COL23A1: variants seen among roughly 807,000 people sequenced by gnomAD.
COL23A1 encodes the protein collagen alpha-1(XXIII) chain.
COL23A1 carries 97 observed loss-of-function variants against 99.3 expected under a neutral mutation model. The ratio of observed to expected loss-of-function variants is 0.98; its 90% CI spans 0.83 to 1.16. The LOEUF is 1.16. Ranked by LOEUF, COL23A1 falls within the 50% of genes most tolerant of loss-of-function variation. COL23A1 has a pLI of 0.00. For synonymous variants in COL23A1, 320 were observed against 308.2 expected, an observed-to-expected ratio of 1.04 and a Z score of -0.40; for missense variants, 762 against 757.4, an observed-to-expected ratio of 1.01 and a Z score of -0.07.
rs1414448683 is a variant in COL23A1 at position 178,309,780 on chromosome 5, G to GCACTCAGTCCCCCACT, written c.362-2877_362-2862dup. ...TCAGCATCAGGCGAACGCTGCCCCT[G>GCACTCAGTCCCCCACT]CACTCAGTCCCCCACTCTGCCACTC... On this transcript the variant is annotated intron_variant, in intron 2 of 28. Coordinates refer to ENST00000390654, the MANE Select transcript of COL23A1 (RefSeq NM_173465.4). The surrounding 1 kb of genome is among the most constrained non-coding windows in gnomAD (Gnocchi z 4.7). Among the ~76,000 whole-genome samples, 1 of 151,496 alleles carries GCACTCAGTCCCCCACT rather than the reference G, an allele frequency of 6.6e-6. No homozygotes were observed. The highest frequency in any genetic ancestry group is 1.5e-5 in the Non-Finnish European group (1 of 67,928).
chr5:178,267,145 C>T (rs988208832), intron 8 of COL23A1, among the ~76,000 whole-genome samples, 162 bp downstream of exon 8: 15 of 152,164 alleles, frequency 9.9e-5, no homozygotes, highest in Non-Finnish European at 1.5e-4. Context: ...CAACCCAGGT[C>T]CCTGGGGGCT....
At chr5:178,364,605 C>T (rs1762361825) in intron 2 of COL23A1, among the ~76,000 whole-genome samples, 1 of 152,192 alleles carries the variant, frequency 6.6e-6, no homozygotes, top group South Asian at 2.1e-4. Context: ...TCAGCAGACA[C>T]CGAATTATAG....
At chr5:178,504,904 CA>C (rs1758779649) in intron 2 of COL23A1, among the ~76,000 whole-genome samples, 2 of 152,158 alleles carry the variant, frequency 1.3e-5, no homozygotes, top group South Asian at 4.1e-4. Flanking sequence ...AGTGTTGGCT[CA>C]AAGCACCTTA....
chr5:178,517,873 C>A lies in COL23A1; in HGVS notation c.361+42809G>T, dbSNP rs1312534430. 3.1e-5 allele frequency among the ~76,000 whole-genome samples: 3 copies of A among 97,708 alleles called. No individual in the cohort carries two copies. In the East Asian group the frequency reaches 9.3e-4, roughly 30 times the overall value. 64.1% of individuals were successfully genotyped at this position (97,708 alleles called of 152,430 possible). On this transcript the variant is annotated intron_variant, in intron 2 of 28. Coordinates refer to ENST00000390654, the MANE Select transcript of COL23A1 (RefSeq NM_173465.4). ...CCGTGCCTGGCCAGCAACAGCGGTT[C>A]TTTTTTTTTTTTTTTTTTTTTTTTT...
At chr5:178,490,235 C>CA (rs1581491614) in intron 2 of COL23A1, among the ~76,000 whole-genome samples, 1 of 150,840 alleles carries the variant, frequency 6.6e-6, no homozygotes, top group African/African-American at 2.4e-5. Flanking sequence ...TCAAAAAAAA[C>CA]AAAAAACAAA....
chr5:178,527,317 G>T (rs1379310160), intron 2 of COL23A1, among the ~76,000 whole-genome samples: 1 of 152,200 alleles, frequency 6.6e-6, no homozygotes, highest in Non-Finnish European at 1.5e-5. Flanking sequence ...AGGAGCCGGG[G>T]TCTAGATGTT....
In COL23A1 at chr5:178,493,651, CA is replaced by C. The variant is rs552140974; in HGVS notation, c.361+67030del. On this transcript the variant is annotated intron_variant, in intron 2 of 28. Coordinates refer to ENST00000390654, the MANE Select transcript of COL23A1 (RefSeq NM_173465.4). Reference sequence around the variant, plus strand: ...CTCCAAGGTTCCAGAGAGGAAAGTTCAAGGAAAGAGTTTTCTCTGTTGGCCC... The same window carrying C: ...CTCCAAGGTTCCAGAGAGGAAAGTTCAGGAAAGAGTTTTCTCTGTTGGCCC... Among the ~76,000 whole-genome samples, 219 of 152,360 alleles carry C rather than the reference CA, an allele frequency of 1.4e-3. 1 individual carries two copies. The highest frequency in any genetic ancestry group is 5.0e-3 in the African/African-American group (207 of 41,582).
At chr5:178,383,138 C>T (rs1364049727) in intron 2 of COL23A1, among the ~76,000 whole-genome samples, 2 of 152,106 alleles carry the variant, frequency 1.3e-5, no homozygotes, top group African/African-American at 2.4e-5. Flanking sequence ...AGGCTGCTGC[C>T]TCCCCCTCCC....
intron 10 of COL23A1, 80 bp from the exon 11 acceptor site, chr5:178,261,828 G>GTT: frequency 8.1e-7 from 1 of 1,230,152 alleles, no homozygotes. Context: ...TCCTGGCTTT[G>GTT]TAAAAGGTGA....
intron 2 of COL23A1, among the ~76,000 whole-genome samples, chr5:178,380,981 T>C (rs896953742): frequency 1.3e-5 from 2 of 152,216 alleles, no homozygotes; most frequent in Admixed American, 6.5e-5. Context: ...GCTAGGCCCA[T>C]TCCGATCCGT....
chr5:178,450,368 C>T (rs1221770654), intron 2 of COL23A1, among the ~76,000 whole-genome samples: 1 of 152,178 alleles, frequency 6.6e-6, no homozygotes, highest in Non-Finnish European at 1.5e-5. Flanking sequence ...TTCTCGGGCT[C>T]ACTCTTGAGA....
At chr5:178,475,975 G>A (rs956077150) in intron 2 of COL23A1, among the ~76,000 whole-genome samples, 1 of 152,170 alleles carries the variant, frequency 6.6e-6, no homozygotes, top group African/African-American at 2.4e-5. Context: ...ATTAGGTCAG[G>A]CCCACTCAGA....
intron 2 of COL23A1, among the ~76,000 whole-genome samples, chr5:178,423,493 A>G (rs1378601851): frequency 6.6e-6 from 1 of 152,164 alleles, no homozygotes; most frequent in African/African-American, 2.4e-5. Flanking sequence ...GAATTTGCCC[A>G]GCGTAGGCTC....
At chr5:178,433,141 A>T (rs554151031) in intron 2 of COL23A1, among the ~76,000 whole-genome samples, 1 of 151,284 alleles carries the variant, frequency 6.6e-6, no homozygotes, top group South Asian at 2.1e-4. Context: ...GTTGGTATGG[A>T]CTCCGCAGGT....
In COL23A1 at chr5:178,255,120, G is replaced by A; in HGVS notation, c.883-94C>T. On this transcript the variant is annotated intron_variant, in intron 15 of 28. Transcript: ENST00000390654. This position sits in a 1 kb window ranked among gnomAD's most constrained non-coding sequence, Gnocchi z 4.2. ...TCCCTGCATCACATCCAGAGAGAAA[G>A]CAATGGAAGAGCCTCGTCACCCAGG... 9.4e-7 allele frequency: 1 copy of A among 1,067,968 alleles called. No homozygotes were observed. Among genetic ancestry groups the A allele is most frequent in the Non-Finnish European group, 1.4e-6 (1 of 694,458 alleles). 66.2% of individuals were successfully genotyped at this position (1,067,968 alleles called of 1,614,324 possible).
chr5:178,487,038 A>C (rs936577406), intron 2 of COL23A1, among the ~76,000 whole-genome samples: 60 of 152,014 alleles, frequency 3.9e-4, no homozygotes, highest in African/African-American at 1.3e-3. Context: ...ACCTACACAG[A>C]TCATGCTCCT....
intron 2 of COL23A1, among the ~76,000 whole-genome samples, chr5:178,350,190 CA>C (rs1337113333): frequency 6.6e-6 from 1 of 152,242 alleles, no homozygotes; most frequent in Non-Finnish European, 1.5e-5. Flanking sequence ...GCACCCATGC[CA>C]CCTCCTCCAG....
intron 1 of COL23A1, among the ~76,000 whole-genome samples, chr5:178,565,306 C>T (rs935308176): frequency 2.0e-5 from 3 of 152,180 alleles, no homozygotes; most frequent in Non-Finnish European, 2.9e-5. Context: ...AGGGCAATTT[C>T]GGAGCGACAG....
At chr5:178,381,633 T>C (rs914435552) in intron 2 of COL23A1, among the ~76,000 whole-genome samples, 1 of 152,240 alleles carries the variant, frequency 6.6e-6, no homozygotes, top group Non-Finnish European at 1.5e-5. Context: ...GAGGGTGATC[T>C]GGCCTGGAGT....
Sources: gnomAD v4.1 joint callset for allele counts (sites outside exome capture counted in the v4.1 genomes callset) on GRCh38, gnomAD v4.1.1 for gene constraint, Gnocchi (gnomAD v3.1) non-coding constraint, MANE v1.5 for transcripts, NCBI Gene and HGNC (gene_info 2026-07-23, HGNC 2026-07-21) for gene names.